CDH13: variants seen among roughly 807,000 people sequenced by gnomAD.
The protein encoded by CDH13 is cadherin 13.
Under a neutral mutation model 63.8 loss-of-function variants are expected in CDH13, and 24 were observed. The ratio of observed to expected loss-of-function variants is 0.38; its 90% CI spans 0.27 to 0.53. CDH13 has a LOEUF of 0.53. Among genes scored for constraint, CDH13 ranks in the 20% least tolerant of loss-of-function variants. The pLI is 0.85. For synonymous variants in CDH13, 503 were observed against 355.3 expected (o/e 1.42, Z -4.67); for missense variants, 1,049 against 903.1 (o/e 1.16, Z -2.07).
chr16:82,939,686 T>G (rs769895225), intron 2 of CDH13, among the ~76,000 whole-genome samples: 3 of 152,170 alleles, frequency 2.0e-5, no homozygotes, highest in Admixed American at 6.5e-5. Flanking sequence ...AATGGATGTT[T>G]TTAAGAAGTC....
intron 12 of CDH13, among the ~76,000 whole-genome samples, chr16:83,781,770 T>G (rs1047091135): frequency 3.3e-5 from 5 of 150,050 alleles, no homozygotes; most frequent in Middle Eastern, 3.5e-3. Flanking sequence ...GTTTCTTTTT[T>G]GGGGGCGTGC....
chr16:82,942,070 C>G (rs1417801730), intron 2 of CDH13, among the ~76,000 whole-genome samples: 1 of 152,218 alleles, frequency 6.6e-6, no homozygotes, highest in Middle Eastern at 3.4e-3. Context: ...TTTATTTTTC[C>G]TATCAGGCTT....
At chr16:83,191,806 A>C (rs565856158) in intron 4 of CDH13, among the ~76,000 whole-genome samples, 12 of 151,926 alleles carry the variant, frequency 7.9e-5, no homozygotes, top group Admixed American at 3.9e-4. Context: ...CCATGCTGGC[A>C]ACTGATTAGA....
intron 5 of CDH13, among the ~76,000 whole-genome samples, chr16:83,284,405 A>G (rs2089258429): frequency 6.6e-6 from 1 of 152,252 alleles, no homozygotes; most frequent in South Asian, 2.1e-4. Flanking sequence ...CACAGGTAAA[A>G]GTAAAATGAG....
chr16:82,955,255 G>A (rs2151329773), intron 2 of CDH13, among the ~76,000 whole-genome samples: 1 of 152,304 alleles, frequency 6.6e-6, no homozygotes, highest in East Asian at 1.9e-4. Context: ...TAAGCAAGAT[G>A]CCTGCCTTAC....
intron 2 of CDH13, chr16:83,023,023 A>C (rs1014755759): frequency 6.6e-6 from 1 of 152,232 alleles, no homozygotes; most frequent in Non-Finnish European, 1.5e-5. Flanking sequence ...ATGGTAGGAA[A>C]TCTATGCCTT....
chr16:83,194,060 A>C (rs958824583), intron 4 of CDH13, among the ~76,000 whole-genome samples: 1 of 152,194 alleles, frequency 6.6e-6, no homozygotes, highest in African/African-American at 2.4e-5. Context: ...CTGAGTGTTT[A>C]TAGTTTCAGT....
intron 10 of CDH13, among the ~76,000 whole-genome samples, chr16:83,683,698 T>C (rs751052251): frequency 3.3e-5 from 5 of 152,252 alleles, no homozygotes; most frequent in Non-Finnish European, 7.3e-5. Flanking sequence ...AGTGAAATTG[T>C]TTAATGCATC....
intron 5 of CDH13, among the ~76,000 whole-genome samples, chr16:83,339,487 A>G (rs2090674668): frequency 6.6e-6 from 1 of 152,190 alleles, no homozygotes; most frequent in African/African-American, 2.4e-5. Context: ...TGTATCAGAC[A>G]CTTTCATGTG....
intron 6 of CDH13, among the ~76,000 whole-genome samples, chr16:83,441,945 G>C (rs893288992): frequency 1.8e-4 from 27 of 152,132 alleles, no homozygotes; most frequent in African/African-American, 5.6e-4. Flanking sequence ...ATTATTAAGA[G>C]GGCTTTATCT....
chr16:83,437,770 C>T (rs1420832297), intron 6 of CDH13, among the ~76,000 whole-genome samples: 1 of 152,102 alleles, frequency 6.6e-6, no homozygotes, highest in African/African-American at 2.4e-5. Flanking sequence ...TTCCCATGAA[C>T]CCCAGATCCA....
chr16:83,563,462 G>C (rs1485045486), intron 7 of CDH13, among the ~76,000 whole-genome samples: 2 of 152,200 alleles, frequency 1.3e-5, no homozygotes, highest in Non-Finnish European at 2.9e-5. Flanking sequence ...ATGACTTTGA[G>C]CAAATGCATT....
intron 7 of CDH13, among the ~76,000 whole-genome samples, chr16:83,508,748 A>C (rs1482995716): frequency 6.6e-6 from 1 of 152,032 alleles, no homozygotes; most frequent in South Asian, 2.1e-4. Context: ...TTTCTCCCTC[A>C]CTTGTGCTTC....
chr16:83,184,440 G>C (rs1436972302), intron 4 of CDH13, among the ~76,000 whole-genome samples: 1 of 152,128 alleles, frequency 6.6e-6, no homozygotes, highest in African/African-American at 2.4e-5. Context: ...ATATTTCACA[G>C]ATACCAAGGC....
At chr16:83,497,804 C>G (rs79945253) in intron 7 of CDH13, among the ~76,000 whole-genome samples, 10 of 152,328 alleles carry the variant, frequency 6.6e-5, no homozygotes, top group Admixed American at 5.2e-4. Context: ...CAGATAGGAG[C>G]AGTTTTATGT....
At chr16:83,181,347 G>C (rs2038343335) in intron 4 of CDH13, among the ~76,000 whole-genome samples, 1 of 152,310 alleles carries the variant, frequency 6.6e-6, no homozygotes. Flanking sequence ...TAAGTCTGCA[G>C]AGGGGTCCAC....
chr16:82,881,101 T>A (rs2040686594), intron 2 of CDH13, among the ~76,000 whole-genome samples: 1 of 152,176 alleles, frequency 6.6e-6, no homozygotes, highest in South Asian at 2.1e-4. Context: ...TATTGTTTTT[T>A]TCTTTATTGT....
At chr16:82,802,145 C>A (rs914609442) in intron 1 of CDH13, among the ~76,000 whole-genome samples, 1 of 152,074 alleles carries the variant, frequency 6.6e-6, no homozygotes, top group African/African-American at 2.4e-5. Flanking sequence ...TTCTAAGGGG[C>A]ATAATATTCA....
intron 2 of CDH13, among the ~76,000 whole-genome samples, chr16:82,905,990 A>G (rs2041633028): frequency 6.6e-6 from 1 of 152,158 alleles, no homozygotes. Context: ...TTGAAAAAAT[A>G]CACATATGTG....
Sources: allele counts gnomAD v4.1 joint callset (sites outside exome capture counted in the v4.1 genomes callset), GRCh38; gene constraint gnomAD v4.1.1; transcripts MANE v1.5; gene names NCBI Gene and HGNC (gene_info 2026-07-23, HGNC 2026-07-21).